PLA2G4C: variants seen among roughly 807,000 people sequenced by gnomAD.
PLA2G4C encodes phospholipase A2 group IVC.
PLA2G4C carries 64 observed loss-of-function variants against 73.8 expected under a neutral mutation model. That is an observed-to-expected ratio of 0.87 (90% CI 0.71 to 1.07). PLA2G4C has a LOEUF of 1.07. Among genes scored for constraint, PLA2G4C ranks in the 50% least tolerant of loss-of-function variants. The pLI is 0.00. For synonymous variants in PLA2G4C, 254 were observed against 252.1 expected (o/e 1.01, Z -0.07); for missense variants, 622 against 665.4 (o/e 0.93, Z 0.72).
intron 13 of PLA2G4C, chr19:48,064,073 A>C (rs1968311064): frequency 6.6e-6 from 1 of 152,188 alleles, no homozygotes; most frequent in Non-Finnish European, 1.5e-5. Context: ...CAACAACAAC[A>C]AAAAAACATG....
At chr19:48,053,177 G>C (rs556564049) in intron 15 of PLA2G4C, 30 bp from the exon 16 acceptor site, 3 of 1,513,424 alleles carry the variant, frequency 2.0e-6, no homozygotes, top group Non-Finnish European at 2.7e-6. Context: ...ACAAAGAAAA[G>C]GCATCATGAG....
chr19:48,089,666 C>T (rs2031183463), intron 8 of PLA2G4C, among the ~76,000 whole-genome samples: 1 of 152,170 alleles, frequency 6.6e-6, no homozygotes, highest in African/African-American at 2.4e-5. Context: ...GTACTATTGT[C>T]TCCATTTTAG....
chr19:48,061,643 G>C (rs562539678), intron 14 of PLA2G4C: 1 of 223,480 alleles, frequency 4.5e-6, no homozygotes, highest in Non-Finnish European at 9.0e-6. Context: ...AGGAAGACAC[G>C]CGCTCGGGGC....
intron 10 of PLA2G4C, among the ~76,000 whole-genome samples, chr19:48,083,464 T>TTTTA (rs2030771399): frequency 1.4e-5 from 2 of 147,596 alleles, no homozygotes; most frequent in South Asian, 2.1e-4. Context: ...TTTTTTTTTT[T>TTTTA]GAGACTGTGT....
At chr19:48,100,003 T>C in intron 4 of PLA2G4C, 143 bp from the exon 5 acceptor site, 1 of 558,638 alleles carries the variant, frequency 1.8e-6, no homozygotes, top group Non-Finnish European at 3.1e-6. Context: ...AAATTTCCAT[T>C]AAATAAATAC....
intron 7 of PLA2G4C, among the ~76,000 whole-genome samples, chr19:48,091,891 A>G (rs1241560757): frequency 3.1e-4 from 43 of 140,006 alleles, no homozygotes; most frequent in Non-Finnish European, 4.9e-4. Flanking sequence ...CTCAAAAAAA[A>G]AAAAAAAAAA....
intron 11 of PLA2G4C, among the ~76,000 whole-genome samples, chr19:48,076,920 C>A (rs1012489009): frequency 7.2e-5 from 11 of 152,082 alleles, no homozygotes; most frequent in African/African-American, 2.2e-4. Flanking sequence ...GGTTTCTTTG[C>A]GCAGCATAGC....
chr19:48,088,271 A>G (rs1172647300), intron 9 of PLA2G4C, among the ~76,000 whole-genome samples: 1 of 152,134 alleles, frequency 6.6e-6, no homozygotes, highest in East Asian at 1.9e-4. Context: ...AAGACTCCCT[A>G]TATCCAAGGA....
chr19:48,099,663 T>G lies in PLA2G4C; in HGVS notation c.447+8A>C. 1 of 1,608,484 alleles carries G rather than the reference T, an allele frequency of 6.2e-7. No individual in the cohort carries two copies. The highest frequency in any genetic ancestry group is 8.5e-7 in the Non-Finnish European group (1 of 1,176,472). On this transcript the variant is annotated splice_region_variant and intron_variant, in intron 5 of 16. Transcript: ENST00000599921. ...CCCACCCCAGGTCCCCAGCTGGGAATGACTTACTTCTCTGGTTTGCTTAGA... is the reference window on the plus strand; with the variant it reads ...CCCACCCCAGGTCCCCAGCTGGGAAGGACTTACTTCTCTGGTTTGCTTAGA...
intron 7 of PLA2G4C, among the ~76,000 whole-genome samples, chr19:48,091,503 T>C (rs2031294525): frequency 6.6e-6 from 1 of 150,886 alleles, no homozygotes; most frequent in African/African-American, 2.4e-5. Flanking sequence ...TTTTCTTTTG[T>C]AAGAAAATTA....
intron 14 of PLA2G4C, 105 bp downstream of exon 14, chr19:48,061,893 C>T: frequency 8.6e-7 from 1 of 1,160,432 alleles, no homozygotes; most frequent in East Asian, 2.5e-5. Flanking sequence ...GCCAGCACCT[C>T]CCCATTGCCC....
Position 48,047,933 on chromosome 19 carries a change from G to A in PLA2G4C, c.*410C>T, listed in dbSNP as rs1967585051. On this transcript the variant is annotated 3_prime_UTR_variant, in exon 17 of 17. Transcript: ENST00000599921. ...TGTGGAGAGATAGCCCATGATTTAA[G>A]CCCAAGTTCTTACTTCTACAGAGCT... 5.2e-6 allele frequency: 1 copy of A among 191,768 alleles called. No homozygotes were observed. The highest frequency in any genetic ancestry group is 6.3e-5 in the Admixed American group (1 of 15,762). 11.9% of individuals were successfully genotyped at this position (191,768 alleles called of 1,614,324 possible).
At chr19:48,073,420 C>T (rs938890582) in intron 12 of PLA2G4C, among the ~76,000 whole-genome samples, 4 of 151,936 alleles carry the variant, frequency 2.6e-5, no homozygotes, top group African/African-American at 9.7e-5. Flanking sequence ...TTCTCCATCT[C>T]GTCCTCTAGA....
Position 48,057,494 on chromosome 19 carries a change from T to C in PLA2G4C, c.1258-2445A>G, listed in dbSNP as rs867275221. Among the ~76,000 whole-genome samples the C allele has an allele frequency of 6.0e-3, 555 of 92,086 alleles. 16 individuals carry two copies. Among genetic ancestry groups the C allele is most frequent in the African/African-American group, 0.02 (538 of 27,402 alleles). The allele number at this position is 92,086 out of a possible 152,430, so 60.4% of individuals were successfully genotyped here. A position where few individuals can be genotyped will look rare whatever the true frequency, so the allele number is the denominator to read the frequency against. On this transcript the variant is annotated intron_variant, in intron 14 of 16. Transcript: ENST00000599921. ...TTCTTCTTCTTCTTCTTTTTTTTTT[T>C]TTTTTTTTTTTTTTTGACAGAGTCT...
chr19:48,106,305 C>T (rs2032234698), intron 2 of PLA2G4C, among the ~76,000 whole-genome samples: 1 of 152,106 alleles, frequency 6.6e-6, no homozygotes, highest in Admixed American at 6.6e-5. Context: ...GTTGCCCAGG[C>T]TAGTCTCGAA....
At chr19:48,097,161 A>AG (rs1335846893) in intron 6 of PLA2G4C, 1 of 151,132 alleles carries the variant, frequency 6.6e-6, no homozygotes, top group African/African-American at 2.4e-5. Context: ...GTCTCAAAAA[A>AG]AAAAAAAAAA....
rs1204593702 is a variant in PLA2G4C, at chr19:48,097,824, G to A, written c.568+315C>T. On this transcript the variant is annotated intron_variant, in intron 6 of 16. Transcript: ENST00000599921. ...TTTTGAGATGGGATCTCACTATGTT[G>A]CCCAGGGTGGTCTCCAACTTCTGGT... 8 of 281,932 alleles carry A rather than the reference G, an allele frequency of 2.8e-5. No individual in the cohort carries two copies. In the South Asian group the frequency reaches 3.8e-4, roughly 13 times the overall value. 17.5% of individuals were successfully genotyped at this position (281,932 alleles called of 1,614,324 possible).
At chr19:48,069,392 C>T (rs1289089866) in intron 12 of PLA2G4C, among the ~76,000 whole-genome samples, 1 of 152,118 alleles carries the variant, frequency 6.6e-6, no homozygotes, top group African/African-American at 2.4e-5. Context: ...CTTTCCCGTG[C>T]TCCCTTCCCC....
chr19:48,088,708 CT>C lies in PLA2G4C; in HGVS notation c.767del (p.Gln256ArgfsTer2). 6.2e-7 allele frequency: 1 copy of C among 1,606,132 alleles called. No individual in the cohort carries two copies. The highest frequency in any genetic ancestry group is 8.5e-7 in the Non-Finnish European group (1 of 1,172,640). ...TEVIREYIFD[Q>X]LRNLTLKGLW... ...TACCTTTCAGGGTCAGATTCCTTAACTGGTCTGCAAAAGAGTAGAAGCAGGA... is the reference window on the plus strand; with the variant it reads ...TACCTTTCAGGGTCAGATTCCTTAACGGTCTGCAAAAGAGTAGAAGCAGGA... On this transcript the variant is annotated frameshift_variant, in exon 9 of 17. Transcript: ENST00000599921. LOFTEE classifies it high-confidence loss of function.
Sources: allele counts gnomAD v4.1 joint callset (sites outside exome capture counted in the v4.1 genomes callset), GRCh38; gene constraint gnomAD v4.1.1; transcripts MANE v1.5; gene names NCBI Gene and HGNC (gene_info 2026-07-23, HGNC 2026-07-21).